The following PHYHIPL variants were observed in gnomAD, a reference collection of about 807,000 sequenced individuals.
The protein encoded by PHYHIPL is phytanoyl-CoA 2-hydroxylase interacting protein like.
A neutral mutation model predicts 33.4 loss-of-function variants in PHYHIPL; 9 were observed. The ratio of observed to expected loss-of-function variants is 0.27; its 90% CI spans 0.16 to 0.47. PHYHIPL has a LOEUF of 0.47. PHYHIPL is among the 20% of genes least tolerant of loss of function. PHYHIPL has a pLI of 0.99. For synonymous variants in PHYHIPL, 153 were observed against 154.1 expected (o/e 0.99, Z 0.05); for missense variants, 365 against 460.7 (o/e 0.79, Z 1.90).
chr10:59,204,146 TTATA>T (rs1230400093), intron 1 of PHYHIPL, among the ~76,000 whole-genome samples: 2 of 152,278 alleles, frequency 1.3e-5, no homozygotes, highest in East Asian at 1.9e-4. Context: ...TCTGAAAACT[TTATA>T]TAAAGAACTA....
At chr10:59,182,601 A>G (rs994987054) in intron 1 of PHYHIPL, among the ~76,000 whole-genome samples, 1 of 152,206 alleles carries the variant, frequency 6.6e-6, no homozygotes, top group Non-Finnish European at 1.5e-5. Context: ...TCGGCCTTCC[A>G]AAGTGCTGGG....
chr10:59,206,015 A>G (rs1368763543), intron 1 of PHYHIPL, among the ~76,000 whole-genome samples: 1 of 152,226 alleles, frequency 6.6e-6, no homozygotes, highest in East Asian at 1.9e-4. Context: ...ACTTTGTCCT[A>G]GTACATTAAT....
intron 1 of PHYHIPL, among the ~76,000 whole-genome samples, chr10:59,231,206 T>C (rs2133279600): frequency 6.6e-6 from 1 of 152,144 alleles, no homozygotes; most frequent in East Asian, 1.9e-4. Flanking sequence ...CACACAGTAA[T>C]TGAAACATAA....
At chr10:59,180,503 C>T (rs945590918) in intron 1 of PHYHIPL, among the ~76,000 whole-genome samples, 15 of 151,438 alleles carry the variant, frequency 9.9e-5, no homozygotes, top group Admixed American at 5.3e-4. Context: ...CTCAAGGCTT[C>T]GTGGCTTTAA....
intron 1 of PHYHIPL, among the ~76,000 whole-genome samples, chr10:59,215,410 T>A (rs2257034): frequency 0.99 from 150,410 of 152,094 alleles, 74,392 homozygotes; most frequent in Middle Eastern, 1. Context: ...TTACCAGATC[T>A]TCAAGTGGTA....
chr10:59,229,424 GTGTTTGTTTAAAA>G (rs1448158235), intron 1 of PHYHIPL, among the ~76,000 whole-genome samples: 1 of 152,122 alleles, frequency 6.6e-6, no homozygotes, highest in African/African-American at 2.4e-5. Context: ...GTAATTAGTA[GTGTTTGTTTAAAA>G]TCGACTTTTT....
At chr10:59,226,009 GT>G (rs1341638361) in intron 1 of PHYHIPL, among the ~76,000 whole-genome samples, 1 of 151,896 alleles carries the variant, frequency 6.6e-6, no homozygotes, top group Non-Finnish European at 1.5e-5. Flanking sequence ...ACAATTCTGT[GT>G]TTTTTTAACA....
At chr10:59,192,344 C>T (rs750075397) in intron 1 of PHYHIPL, among the ~76,000 whole-genome samples, 38 of 152,206 alleles carry the variant, frequency 2.5e-4, no homozygotes, top group Admixed American at 8.5e-4. Context: ...ATCACCTAGA[C>T]GGCTTACTAA....
intron 1 of PHYHIPL, among the ~76,000 whole-genome samples, chr10:59,192,358 A>C (rs1589262964): frequency 6.6e-6 from 1 of 152,134 alleles, no homozygotes; most frequent in South Asian, 2.1e-4. Flanking sequence ...TTACTAAAAT[A>C]GATTGCTGGG....
At position 59,234,443 on chromosome 10, in the gene PHYHIPL, C is replaced by G. The variant is rs147685227; in HGVS notation, c.246C>G (p.His82Gln). 1 of 1,593,238 alleles carries G rather than the reference C, an allele frequency of 6.3e-7. No homozygotes were observed. The highest frequency in any genetic ancestry group is 8.5e-7 in the Non-Finnish European group (1 of 1,173,386). The part of the protein sequence containing the change: ...MDSKSKDRIT[H>Q]YFIDLNKKEN... ...CAAAATCAAAGGATCGCATTACACACTATTTTATTGACCTCAACAAGAAAG... is the reference window on the plus strand; with the variant it reads ...CAAAATCAAAGGATCGCATTACACAGTATTTTATTGACCTCAACAAGAAAG... The change falls in exon 2 of 5, where the codon CAC becomes CAG. Residue 82 changes from histidine (H) to glutamine (Q), a missense_variant. His to Gln is a conservative substitution (Grantham distance 24, BLOSUM62 0). Around this residue, in one of 4 missense-constraint regions of PHYHIPL, gnomAD observed 63 missense variants for 119.3 expected, o/e 0.53. Transcript: ENST00000373880.
At chr10:59,226,360 A>G (rs925992021) in intron 1 of PHYHIPL, among the ~76,000 whole-genome samples, 1 of 152,188 alleles carries the variant, frequency 6.6e-6, no homozygotes, top group Non-Finnish European at 1.5e-5. Context: ...GTGGTTCCCA[A>G]AGAACCAAAC....
At chr10:59,186,252 G>A (rs188974627) in intron 1 of PHYHIPL, among the ~76,000 whole-genome samples, 1 of 152,116 alleles carries the variant, frequency 6.6e-6, no homozygotes, top group Non-Finnish European at 1.5e-5. Context: ...TTTTTGTCAG[G>A]TTTGTCAAAG....
At chr10:59,223,854 C>A (rs1445968444) in intron 1 of PHYHIPL, among the ~76,000 whole-genome samples, 1 of 151,922 alleles carries the variant, frequency 6.6e-6, no homozygotes, top group African/African-American at 2.4e-5. Context: ...GAGACAGGGT[C>A]TCACTGTGTT....
At chr10:59,189,268 A>G (rs1838712230) in intron 1 of PHYHIPL, among the ~76,000 whole-genome samples, 1 of 152,086 alleles carries the variant, frequency 6.6e-6, no homozygotes, top group African/African-American at 2.4e-5. Flanking sequence ...AAGAATTTCT[A>G]GAAAAATGAA....
chr10:59,176,764 C>G lies in PHYHIPL; in HGVS notation c.-90C>G. 1.7e-6 allele frequency: 2 copies of G among 1,200,180 alleles called. No individual in the cohort carries two copies. Among genetic ancestry groups the G allele is most frequent in the Admixed American group, 2.2e-5 (1 of 46,166 alleles). 74.3% of individuals were successfully genotyped at this position (1,200,180 alleles called of 1,614,324 possible). On this transcript the variant is annotated 5_prime_UTR_variant, in exon 1 of 5. Transcript: ENST00000373880. ...CAGGCCTCCTTCCCTCCCTCTGCCA[C>G]TCCCCCTCCCTTTCCCGCTCTTCTT...
chr10:59,174,223 G>T (rs1324689353), upstream of PHYHIPL, among the ~76,000 whole-genome samples: 3 of 151,852 alleles, frequency 2.0e-5, no homozygotes, highest in Non-Finnish European at 4.4e-5. Context: ...AATGTTTCTG[G>T]TGTCTTTCTT....
chr10:59,183,787 G>T (rs1838481703), intron 1 of PHYHIPL: 1 of 463,030 alleles, frequency 2.2e-6, no homozygotes, highest in Non-Finnish European at 2.8e-6. Flanking sequence ...CGTGGGGATT[G>T]TGCATATACA....
At chr10:59,235,197 A>G (rs1840187989) in intron 2 of PHYHIPL, among the ~76,000 whole-genome samples, 1 of 151,458 alleles carries the variant, frequency 6.6e-6, no homozygotes, top group Admixed American at 6.6e-5. Context: ...TTTTGTTTTG[A>G]TAATGAAATT....
chr10:59,175,368 T>C (rs1408881537), upstream of PHYHIPL, among the ~76,000 whole-genome samples: 1 of 152,234 alleles, frequency 6.6e-6, no homozygotes. Flanking sequence ...TTCCATTTAT[T>C]GAAGCTTCAA....
Sources: gnomAD v4.1 joint callset for allele counts (sites outside exome capture counted in the v4.1 genomes callset) on GRCh38, gnomAD v4.1.1 for gene constraint, gnomAD v4.1.1 regional missense constraint, MANE v1.5 for transcripts, NCBI Gene and HGNC (gene_info 2026-07-23, HGNC 2026-07-21) for gene names.